The following SNX29 variants were observed in gnomAD, a reference collection of about 807,000 sequenced individuals.
The protein encoded by SNX29 is sorting nexin-29.
In SNX29, 78 loss-of-function variants were observed where a neutral mutation model predicts 102.1. The ratio of observed to expected loss-of-function variants is 0.76; its 90% CI spans 0.64 to 0.92. SNX29 has a LOEUF of 0.92. Ranked by LOEUF, SNX29 falls within the 40% of genes least tolerant of loss-of-function variation. The probability of loss-of-function intolerance (pLI) is 0.00; values close to 1 mark genes in which losing one functional copy is unlikely to be tolerated. For missense variants in SNX29, 1,280 were observed against 1,061.7 expected (o/e 1.21, Z -2.86); for synonymous variants, 580 against 414.5 (o/e 1.40, Z -4.85).
At position 12,513,103 on chromosome 16, in the gene SNX29, C is replaced by T. The variant is rs373292990; in HGVS notation, c.2179-11599C>T. On this transcript the variant is annotated intron_variant, in intron 19 of 20. Coordinates refer to ENST00000566228, the MANE Select transcript of SNX29 (RefSeq NM_032167.5). ...TGCATCCTGCCCTGCGTACCCCTTCCTCAGTTCTCTCTTCTCCTCTCTGAC... is the reference window on the plus strand; with the variant it reads ...TGCATCCTGCCCTGCGTACCCCTTCTTCAGTTCTCTCTTCTCCTCTCTGAC... 2.6e-5 allele frequency among the ~76,000 whole-genome samples: 4 copies of T among 151,844 alleles called. No homozygotes were observed. In the East Asian group the frequency reaches 7.8e-4, roughly 30 times the overall value.
At chr16:11,984,782 G>C (rs1009753110) in intron 1 of SNX29, among the ~76,000 whole-genome samples, 2 of 152,030 alleles carry the variant, frequency 1.3e-5, no homozygotes, top group Admixed American at 6.6e-5. Context: ...TCAGCCTCCT[G>C]AGTAGCTAGG....
chr16:12,083,075 G>T (rs1025759027), intron 11 of SNX29, among the ~76,000 whole-genome samples: 9 of 152,004 alleles, frequency 5.9e-5, no homozygotes, highest in Admixed American at 3.3e-4. Context: ...AGGCCGAGGT[G>T]GGGGGAATCA....
At chr16:12,568,382 C>G (rs1430824452) in intron 20 of SNX29, 124 bp from the exon 21 acceptor site, 15 of 1,288,018 alleles carry the variant, frequency 1.2e-5, no homozygotes, top group East Asian at 2.4e-5. Flanking sequence ...AGAGGCAGAT[C>G]CAATGAGCCA....
At chr16:12,411,276 T>C (rs1297127772) in intron 18 of SNX29, among the ~76,000 whole-genome samples, 1 of 152,164 alleles carries the variant, frequency 6.6e-6, no homozygotes, top group African/African-American at 2.4e-5. Flanking sequence ...TTTGTGAGTT[T>C]CATCCCAGCC....
intron 15 of SNX29, among the ~76,000 whole-genome samples, chr16:12,347,163 C>T (rs1417411775): frequency 6.6e-6 from 1 of 151,798 alleles, no homozygotes; most frequent in South Asian, 2.1e-4. Flanking sequence ...GTGAAGTTAT[C>T]ACCAGGGTTA....
chr16:12,361,850 T>G (rs12103349), intron 16 of SNX29, among the ~76,000 whole-genome samples: 133,533 of 152,102 alleles, frequency 0.88, 58,806 homozygotes, highest in Middle Eastern at 0.96. Flanking sequence ...ATTTCTTCCT[T>G]TCTCTTACCC....
chr16:12,325,035 C>G (rs1039371490), intron 15 of SNX29, among the ~76,000 whole-genome samples: 6 of 152,120 alleles, frequency 3.9e-5, no homozygotes, highest in Admixed American at 6.5e-5. Flanking sequence ...TCTTGTAGAA[C>G]GACAGCCTTG....
At chr16:12,320,906 G>A (rs988415070) in intron 15 of SNX29, among the ~76,000 whole-genome samples, 16 of 152,184 alleles carry the variant, frequency 1.1e-4, no homozygotes, top group Non-Finnish European at 2.2e-4. Flanking sequence ...TTAAAAGGAT[G>A]GCGGCAGTGT....
chr16:12,175,251 G>A (rs187826043), intron 13 of SNX29, among the ~76,000 whole-genome samples: 6 of 152,156 alleles, frequency 3.9e-5, no homozygotes, highest in Admixed American at 3.3e-4. Flanking sequence ...AATTATGTCC[G>A]CCTACCCCCC....
At chr16:12,276,526 G>A (rs1596726166) in intron 14 of SNX29, among the ~76,000 whole-genome samples, 1 of 152,244 alleles carries the variant, frequency 6.6e-6, no homozygotes, top group East Asian at 1.9e-4. Context: ...CGCATCACTG[G>A]GGGGCTAGTC....
chr16:12,449,210 G>C (rs1429553969), intron 18 of SNX29, among the ~76,000 whole-genome samples: 1 of 152,034 alleles, frequency 6.6e-6, no homozygotes, highest in Non-Finnish European at 1.5e-5. Context: ...GGCATTGGAG[G>C]AACACAGAAG....
At chr16:12,151,579 G>A (rs911910948) in intron 13 of SNX29, among the ~76,000 whole-genome samples, 3 of 152,128 alleles carry the variant, frequency 2.0e-5, no homozygotes, top group Admixed American at 6.5e-5. Flanking sequence ...CCCGGGACTC[G>A]TACCCCACAG....
intron 3 of SNX29, among the ~76,000 whole-genome samples, chr16:12,023,683 G>A (rs752893090): frequency 2.8e-4 from 42 of 152,052 alleles, no homozygotes; most frequent in Non-Finnish European, 5.1e-4. Flanking sequence ...ATATAAGATG[G>A]TTCATTAACT....
At chr16:12,279,419 G>T (rs1466810825) in intron 15 of SNX29, among the ~76,000 whole-genome samples, 1 of 152,222 alleles carries the variant, frequency 6.6e-6, no homozygotes, top group African/African-American at 2.4e-5. Context: ...GCAAGCTGAG[G>T]CCTTAACACA....
chr16:12,427,833 G>A (rs531686306), intron 18 of SNX29, among the ~76,000 whole-genome samples: 1 of 152,350 alleles, frequency 6.6e-6, no homozygotes, highest in East Asian at 1.9e-4. Flanking sequence ...GAAGATGCCA[G>A]CTGACTTGGT....
chr16:12,532,184 G>A (rs1290164220), intron 20 of SNX29, among the ~76,000 whole-genome samples: 3 of 152,216 alleles, frequency 2.0e-5, no homozygotes, highest in East Asian at 1.9e-4. Flanking sequence ...TGCAAACAAT[G>A]AATCATTCTT....
At chr16:12,141,812 A>G (rs993106153) in intron 13 of SNX29, among the ~76,000 whole-genome samples, 1 of 152,160 alleles carries the variant, frequency 6.6e-6, no homozygotes, top group South Asian at 2.1e-4. Flanking sequence ...TGGCTTCCTT[A>G]CAGCATCCTG....
At chr16:12,357,500 A>T (rs955507790) in intron 16 of SNX29, among the ~76,000 whole-genome samples, 3 of 152,134 alleles carry the variant, frequency 2.0e-5, no homozygotes, top group Non-Finnish European at 2.9e-5. Flanking sequence ...ATATGTCTCT[A>T]TGTTGCTTTT....
intron 18 of SNX29, among the ~76,000 whole-genome samples, chr16:12,411,351 G>A (rs1234817944): frequency 6.6e-6 from 1 of 152,152 alleles, no homozygotes; most frequent in East Asian, 1.9e-4. Context: ...TTCTTGCTGT[G>A]TCTCTCCTTG....
Sources: allele counts gnomAD v4.1 joint callset (sites outside exome capture counted in the v4.1 genomes callset), GRCh38; gene constraint gnomAD v4.1.1; transcripts MANE v1.5; gene names NCBI Gene and HGNC (gene_info 2026-07-23, HGNC 2026-07-21).